CCSER1: variants seen among roughly 807,000 people sequenced by gnomAD.
The protein encoded by CCSER1 is coiled-coil serine rich protein 1.
A neutral mutation model predicts 82.0 loss-of-function variants in CCSER1; 41 were observed. That is an observed-to-expected ratio of 0.50 (90% CI 0.39 to 0.65). The LOEUF (loss-of-function observed/expected upper bound fraction) is 0.65, where lower values mean the gene tolerates loss of function less well. Ranked by LOEUF, CCSER1 falls within the 30% of genes least tolerant of loss-of-function variation. CCSER1 has a pLI of 0.00. For missense variants in CCSER1, 1,119 were observed against 1,064.2 expected (o/e 1.05, Z -0.72); for synonymous variants, 414 against 383.9 (o/e 1.08, Z -0.92).
rs181554118 is a variant in CCSER1 at position 91,068,121 on chromosome 4, C to T, written c.2173-17829C>T. 3.7e-3 allele frequency among the ~76,000 whole-genome samples: 556 copies of T among 152,168 alleles called. 4 individuals are homozygous for T. Among genetic ancestry groups the T allele is most frequent in the Non-Finnish European group, 6.8e-3 (461 of 67,986 alleles). On this transcript the variant is annotated intron_variant, in intron 9 of 10. Transcript: ENST00000509176. ...CCTGACTTTTGAAAGATGTTATTAC[C>T]AGATAGGGAGAACTAAAATATACTC...
chr4:91,489,533 G>A (rs1265429948), intron 10 of CCSER1, among the ~76,000 whole-genome samples: 2 of 152,046 alleles, frequency 1.3e-5, no homozygotes, highest in Non-Finnish European at 2.9e-5. Context: ...GGCCGGGCAC[G>A]GTGGCTCATG....
chr4:90,509,507 G>C (rs540822488), intron 5 of CCSER1, among the ~76,000 whole-genome samples: 1 of 152,176 alleles, frequency 6.6e-6, no homozygotes, highest in South Asian at 2.1e-4. Flanking sequence ...CACTACAATT[G>C]CAATCATTTT....
chr4:91,037,735 A>G (rs72886612), intron 9 of CCSER1, among the ~76,000 whole-genome samples: 5 of 151,956 alleles, frequency 3.3e-5, no homozygotes, highest in African/African-American at 1.2e-4. Flanking sequence ...GTATCTATAT[A>G]TCTTTTAATC....
chr4:90,411,486 C>T (rs969500963), intron 4 of CCSER1, among the ~76,000 whole-genome samples: 7 of 152,140 alleles, frequency 4.6e-5, no homozygotes, highest in South Asian at 2.1e-4. Context: ...AATCAATAAA[C>T]GTAATCCAGC....
chr4:91,157,411 C>A (rs1730922402), intron 10 of CCSER1, among the ~76,000 whole-genome samples: 1 of 151,864 alleles, frequency 6.6e-6, no homozygotes, highest in African/African-American at 2.4e-5. Flanking sequence ...AGGCATTTCT[C>A]TTTATCTAAT....
intron 1 of CCSER1, among the ~76,000 whole-genome samples, chr4:90,173,105 T>C (rs1225603957): frequency 6.6e-6 from 1 of 151,772 alleles, no homozygotes; most frequent in African/African-American, 2.4e-5. Flanking sequence ...CCAGAAGATG[T>C]ATCTTAGAAT....
intron 10 of CCSER1, among the ~76,000 whole-genome samples, chr4:91,166,386 T>G (rs1252361590): frequency 1.3e-5 from 2 of 152,200 alleles, no homozygotes; most frequent in African/African-American, 4.8e-5. Context: ...CAAATAGATG[T>G]GCTCTTTCCC....
intron 5 of CCSER1, among the ~76,000 whole-genome samples, chr4:90,536,645 G>A (rs1478698237): frequency 6.6e-6 from 1 of 152,166 alleles, no homozygotes; most frequent in Non-Finnish European, 1.5e-5. Flanking sequence ...CAAGTACATT[G>A]GCCTGAAAAT....
intron 6 of CCSER1, among the ~76,000 whole-genome samples, chr4:90,701,359 C>A (rs1032791760): frequency 6.6e-6 from 1 of 152,122 alleles, no homozygotes; most frequent in African/African-American, 2.4e-5. Context: ...GTTGTGGTAT[C>A]AGTACCATGT....
rs555051794 is a variant in CCSER1, at chr4:90,832,215, T to C, written c.2094+16370T>C. ...AAATAAAATAAAAATTTAATAGATT[T>C]ATTTTTCAAGTTTTCTTTCCATAGT... On this transcript the variant is annotated intron_variant, in intron 8 of 10. Coordinates refer to ENST00000509176, the MANE Select transcript of CCSER1 (RefSeq NM_001145065.2). Among the ~76,000 whole-genome samples the C allele has an allele frequency of 3.4e-4, 52 of 152,240 alleles. 1 individual carries two copies. The highest frequency in any genetic ancestry group is 1.5e-5 in the Non-Finnish European group (1 of 67,974).
chr4:91,526,113 C>T (rs1270153836), intron 10 of CCSER1, among the ~76,000 whole-genome samples: 4 of 152,230 alleles, frequency 2.6e-5, no homozygotes, highest in Admixed American at 2.0e-4. Context: ...AGATAATCAA[C>T]TAAGAGACAG....
chr4:90,819,823 A>G (rs1371473362), intron 8 of CCSER1, among the ~76,000 whole-genome samples: 1 of 152,234 alleles, frequency 6.6e-6, no homozygotes, highest in Non-Finnish European at 1.5e-5. Flanking sequence ...ACTGTTTTCA[A>G]CAGATCGAGA....
chr4:90,176,222 C>T (rs915160440), intron 1 of CCSER1, among the ~76,000 whole-genome samples: 2 of 151,870 alleles, frequency 1.3e-5, no homozygotes, highest in African/African-American at 2.4e-5. Context: ...GAGCAGAGAG[C>T]ACCAAACAGT....
chr4:91,401,733 C>G (rs1752347809), intron 10 of CCSER1, among the ~76,000 whole-genome samples: 1 of 152,080 alleles, frequency 6.6e-6, no homozygotes, highest in Admixed American at 6.6e-5. Context: ...ATGAACTCAT[C>G]CTTTTGTATG....
chr4:90,355,531 C>G lies in CCSER1; in HGVS notation c.1509+42484C>G, dbSNP rs143183869. On this transcript the variant is annotated intron_variant, in intron 3 of 10. Transcript: ENST00000509176. ...TGAGTTACCATACCTATTTTCATAT[C>G]AGAAAATCCATGTTTGGTGGAAGTC... Among the ~76,000 whole-genome samples, 47 of 151,966 alleles carry G rather than the reference C, an allele frequency of 3.1e-4. No homozygotes were observed. In the East Asian group the frequency reaches 8.7e-3, roughly 28 times the overall value.
Position 91,598,873 on chromosome 4 carries a change from C to A in CCSER1, c.2519C>A (p.Ser840Tyr). Reference protein sequence around the residue: ...LKPTAKTEGLSTFLEKPKDQV... With the variant: ...LKPTAKTEGLYTFLEKPKDQV... Reference sequence around the variant, plus strand: ...CCAACAGCTAAGACAGAAGGGCTCTCCACGTTCTTAGAGAAACCAAAGGAC... The same window carrying A: ...CCAACAGCTAAGACAGAAGGGCTCTACACGTTCTTAGAGAAACCAAAGGAC... Residue 840 changes from serine to tyrosine, a missense_variant, in exon 11 of 11, where the codon TCC (serine) becomes TAC (tyrosine). Coordinates refer to ENST00000509176, the MANE Select transcript of CCSER1 (RefSeq NM_001145065.2). 6.4e-7 allele frequency: 1 copy of A among 1,551,632 alleles called. No individual in the cohort carries two copies. The highest frequency in any genetic ancestry group is 8.7e-7 in the Non-Finnish European group (1 of 1,146,936).
chr4:91,476,819 A>T (rs912874389), intron 10 of CCSER1, among the ~76,000 whole-genome samples: 2 of 151,808 alleles, frequency 1.3e-5, no homozygotes, highest in Non-Finnish European at 3.0e-5. Context: ...TGAAGAAAGG[A>T]CAATCTCTTC....
At chr4:91,578,531 C>T (rs1763564195) in intron 10 of CCSER1, among the ~76,000 whole-genome samples, 1 of 151,780 alleles carries the variant, frequency 6.6e-6, no homozygotes, top group Non-Finnish European at 1.5e-5. Flanking sequence ...AATACTTAGA[C>T]CTGTTGAAAT....
chr4:90,271,862 ATT>A (rs1176154331), intron 1 of CCSER1, among the ~76,000 whole-genome samples: 88 of 21,664 alleles, frequency 4.1e-3, no homozygotes, highest in South Asian at 5.7e-3. Context: ...ATATATATAT[ATT>A]TTTTTTTTTT....
Sources: gnomAD v4.1 joint callset for allele counts (sites outside exome capture counted in the v4.1 genomes callset) on GRCh38, gnomAD v4.1.1 for gene constraint, MANE v1.5 for transcripts, NCBI Gene and HGNC (gene_info 2026-07-23, HGNC 2026-07-21) for gene names.